The following SH3RF1 variants were observed in gnomAD, a reference collection of about 807,000 sequenced individuals.
The protein encoded by SH3RF1 is SH3 domain containing ring finger 1, also known as E3 ubiquitin-protein ligase SH3RF1.
SH3RF1 carries 32 observed loss-of-function variants against 74.0 expected under a neutral mutation model. The observed-to-expected ratio is 0.43, with a 90% CI of 0.33 to 0.58. The LOEUF is 0.58. SH3RF1 is among the 20% of genes least tolerant of loss of function. The probability of loss-of-function intolerance (pLI) is 0.05; values close to 1 mark genes in which losing one functional copy is unlikely to be tolerated. For missense variants in SH3RF1, 954 were observed against 1,130.9 expected (o/e 0.84, Z 2.24); for synonymous variants, 396 against 439.6 (o/e 0.90, Z 1.24).
At chr4:169,131,693 A>C (rs1381210682) in intron 5 of SH3RF1, among the ~76,000 whole-genome samples, 1 of 152,146 alleles carries the variant, frequency 6.6e-6, no homozygotes, top group African/African-American at 2.4e-5. Flanking sequence ...GCAAACCCCC[A>C]CCTTTTCTGA....
At chr4:169,239,474 T>C (rs1346504080) in intron 2 of SH3RF1, among the ~76,000 whole-genome samples, 1 of 152,220 alleles carries the variant, frequency 6.6e-6, no homozygotes, top group East Asian at 1.9e-4. Context: ...GTCACTGTTA[T>C]TCAGTCCATA....
chr4:169,255,091 G>C (rs1731164424), intron 2 of SH3RF1, among the ~76,000 whole-genome samples: 1 of 152,170 alleles, frequency 6.6e-6, no homozygotes, highest in African/African-American at 2.4e-5. Context: ...TAAGGCACTG[G>C]AATAAGTTTG....
chr4:169,241,382 C>T (rs1730907793), intron 2 of SH3RF1, among the ~76,000 whole-genome samples: 1 of 152,210 alleles, frequency 6.6e-6, no homozygotes, highest in Non-Finnish European at 1.5e-5. Context: ...CAAACTCACC[C>T]TTCAGCCGAA....
chr4:169,172,549 G>T (rs1734348336), intron 2 of SH3RF1, among the ~76,000 whole-genome samples: 1 of 152,160 alleles, frequency 6.6e-6, no homozygotes, highest in Non-Finnish European at 1.5e-5. Context: ...GTGTAATTAT[G>T]ACCTTATTGT....
chr4:169,233,780 C>T (rs1422682758), intron 2 of SH3RF1, among the ~76,000 whole-genome samples: 1 of 152,200 alleles, frequency 6.6e-6, no homozygotes, highest in Non-Finnish European at 1.5e-5. Flanking sequence ...CTCTTTCATA[C>T]TTGTCAGCTC....
chr4:169,176,745 T>C (rs1243220368), intron 2 of SH3RF1, among the ~76,000 whole-genome samples: 7 of 152,112 alleles, frequency 4.6e-5, no homozygotes, highest in Non-Finnish European at 8.8e-5. Flanking sequence ...TTTTACATGT[T>C]GGCTAGGCTG....
chr4:169,153,889 T>C (rs1298623975), intron 4 of SH3RF1, among the ~76,000 whole-genome samples: 1 of 152,236 alleles, frequency 6.6e-6, no homozygotes, highest in Non-Finnish European at 1.5e-5. Flanking sequence ...ATGAGTCAAG[T>C]GACTTGAAGT....
At position 169,096,447 on chromosome 4, in the gene SH3RF1, C is replaced by T. The variant is rs1004519994; in HGVS notation, c.*72G>A. The T allele has an allele frequency of 4.0e-6, 6 of 1,517,844 alleles. No homozygotes were observed. In the African/African-American group the frequency reaches 4.1e-5, roughly 10 times the overall value. The allele number at this position is 1,517,844 out of a possible 1,614,324, so 94.0% of individuals were successfully genotyped here. On this transcript the variant is annotated 3_prime_UTR_variant, in exon 12 of 12. Coordinates refer to ENST00000284637, the MANE Select transcript of SH3RF1 (RefSeq NM_020870.4). Reference sequence around the variant, plus strand: ...GACCATCTGGAAGTCCACAAATGTGCTCTTTCTGTTAAACTGCTTTGTGCT... The same window carrying T: ...GACCATCTGGAAGTCCACAAATGTGTTCTTTCTGTTAAACTGCTTTGTGCT...
chr4:169,204,461 C>T (rs1245586344), intron 2 of SH3RF1, among the ~76,000 whole-genome samples: 1 of 151,858 alleles, frequency 6.6e-6, no homozygotes, highest in Non-Finnish European at 1.5e-5. Context: ...TTAGAAACAG[C>T]ATGAAGTAAT....
At chr4:169,197,624 C>CAAAAAA (rs530886905) in intron 2 of SH3RF1, among the ~76,000 whole-genome samples, 41,505 of 112,440 alleles carry the variant, frequency 0.37, 8,799 homozygotes, top group East Asian at 0.69. Context: ...GACTCTGTCT[C>CAAAAAA]AAAAAAAAAA....
chr4:169,217,943 C>T (rs189209830), intron 2 of SH3RF1, among the ~76,000 whole-genome samples: 1 of 152,168 alleles, frequency 6.6e-6, no homozygotes, highest in East Asian at 1.9e-4. Context: ...TCCCTGAGAA[C>T]ATTCCTATGG....
At chr4:169,256,259 G>A (rs1338172497) in intron 2 of SH3RF1, among the ~76,000 whole-genome samples, 2 of 151,806 alleles carry the variant, frequency 1.3e-5, no homozygotes, top group Non-Finnish European at 2.9e-5. Flanking sequence ...AGGGAGGCAG[G>A]GAGGGAGAGA....
chr4:169,146,997 C>T (rs1238741784), intron 4 of SH3RF1, among the ~76,000 whole-genome samples: 1 of 152,082 alleles, frequency 6.6e-6, no homozygotes, highest in African/African-American at 2.4e-5. Flanking sequence ...AAAAGTTCAA[C>T]CCTGAAAATT....
intron 2 of SH3RF1, among the ~76,000 whole-genome samples, chr4:169,254,798 A>G (rs893393524): frequency 1.3e-5 from 2 of 152,244 alleles, no homozygotes; most frequent in African/African-American, 2.4e-5. Context: ...CCTGAACCCA[A>G]GCACAGCAAG....
intron 2 of SH3RF1, among the ~76,000 whole-genome samples, chr4:169,192,425 A>G (rs962997164): frequency 2.0e-5 from 3 of 152,214 alleles, no homozygotes; most frequent in African/African-American, 7.2e-5. Flanking sequence ...GCAAATGAAA[A>G]CCATAATGCG....
chr4:169,141,850 T>C (rs1733793036), intron 4 of SH3RF1, among the ~76,000 whole-genome samples: 1 of 150,692 alleles, frequency 6.6e-6, no homozygotes, highest in East Asian at 1.9e-4. Context: ...TCTCGCTCTG[T>C]TGCCCAGGCT....
chr4:169,149,275 A>G lies in SH3RF1; in HGVS notation c.765+6205T>C, dbSNP rs143297522. ...TCCTTTTTAGATTGAGTCTTTAGCCATATTTATTAAACAGCCGTTCCTGGA... is the reference window on the plus strand; with the variant it reads ...TCCTTTTTAGATTGAGTCTTTAGCCGTATTTATTAAACAGCCGTTCCTGGA... On this transcript the variant is annotated intron_variant, in intron 4 of 11. Coordinates refer to ENST00000284637, the MANE Select transcript of SH3RF1 (RefSeq NM_020870.4). Among the ~76,000 whole-genome samples the G allele has an allele frequency of 2.7e-3, 407 of 152,326 alleles. 1 individual carries two copies. The highest frequency in any genetic ancestry group is 9.5e-3 in the African/African-American group (393 of 41,582).
intron 2 of SH3RF1, among the ~76,000 whole-genome samples, chr4:169,233,749 T>A (rs1730780696): frequency 6.6e-6 from 1 of 152,200 alleles, no homozygotes; most frequent in Admixed American, 6.5e-5. Context: ...CCCTCTACCC[T>A]ATTATTTCAC....
chr4:169,229,239 T>C (rs1215112393), intron 2 of SH3RF1, among the ~76,000 whole-genome samples: 3 of 152,196 alleles, frequency 2.0e-5, no homozygotes, highest in Non-Finnish European at 4.4e-5. Flanking sequence ...TTACCTAGAA[T>C]AATTAACATT....
Sources: gnomAD v4.1 joint callset for allele counts (sites outside exome capture counted in the v4.1 genomes callset) on GRCh38, gnomAD v4.1.1 for gene constraint, MANE v1.5 for transcripts, NCBI Gene and HGNC (gene_info 2026-07-23, HGNC 2026-07-21) for gene names.